The following NGF variants were observed in gnomAD, a reference collection of about 807,000 sequenced individuals.
NGF encodes beta-nerve growth factor.
A neutral mutation model predicts 12.8 loss-of-function variants in NGF; 4 were observed. That is an observed-to-expected ratio of 0.31 (90% CI 0.15 to 0.72). The LOEUF (loss-of-function observed/expected upper bound fraction) is 0.72. Ranked by LOEUF, NGF falls within the 30% of genes least tolerant of loss-of-function variation. The pLI is 0.69. For missense variants in NGF, 283 were observed against 330.8 expected (o/e 0.86, Z 1.12); for synonymous variants, 140 against 130.0 (o/e 1.08, Z -0.52).
intron 1 of NGF, among the ~76,000 whole-genome samples, chr1:115,337,267 G>GTTTGGTTTTTTTT: frequency 1.2e-5 from 1 of 81,030 alleles, no homozygotes; most frequent in Non-Finnish European, 2.3e-5. Context: ...TTTTGTTTTT[G>GTTTGGTTTTTTTT]TTTTTTTTTT....
intron 1 of NGF, among the ~76,000 whole-genome samples, chr1:115,333,714 TTTTCTTTCTTTCC>T (rs1393357662): frequency 2.5e-4 from 13 of 51,100 alleles, no homozygotes; most frequent in African/African-American, 1.3e-3. Context: ...TCTTTCTTTC[TTTTCTTTCTTTCC>T]TTCTTTCTTT....
chr1:115,299,324 C>T (rs1653963675), intron 1 of NGF, among the ~76,000 whole-genome samples: 1 of 152,074 alleles, frequency 6.6e-6, no homozygotes, highest in Admixed American at 6.5e-5. Context: ...CCCACAAAAC[C>T]CTTTCTAGCA....
At chr1:115,287,718 C>T (rs1217279335) in intron 2 of NGF, among the ~76,000 whole-genome samples, 1 of 151,510 alleles carries the variant, frequency 6.6e-6, no homozygotes, top group East Asian at 1.9e-4. Flanking sequence ...TTCTTTTCTC[C>T]CTCCCTTTCT....
chr1:115,289,367 G>A (rs1382645505), intron 2 of NGF, among the ~76,000 whole-genome samples: 2 of 152,014 alleles, frequency 1.3e-5, no homozygotes, highest in African/African-American at 4.8e-5. Context: ...TAAATAAAAG[G>A]GTTTCGATGG....
intron 1 of NGF, among the ~76,000 whole-genome samples, chr1:115,327,183 C>T (rs1055118176): frequency 1.3e-5 from 2 of 152,134 alleles, no homozygotes; most frequent in Non-Finnish European, 2.9e-5. Flanking sequence ...GGTTCATAGT[C>T]GTTTAAGAAG....
intron 1 of NGF, among the ~76,000 whole-genome samples, chr1:115,306,922 A>G (rs1224336633): frequency 6.6e-6 from 1 of 152,220 alleles, no homozygotes; most frequent in East Asian, 1.9e-4. Flanking sequence ...ACTGGGCACT[A>G]TGGGGTATCT....
intron 1 of NGF, among the ~76,000 whole-genome samples, chr1:115,294,896 A>G (rs547738444): frequency 1.3e-5 from 2 of 152,312 alleles, no homozygotes; most frequent in South Asian, 4.1e-4. Flanking sequence ...GGATATTAGG[A>G]AGGCAGTGGA....
intron 2 of NGF, among the ~76,000 whole-genome samples, chr1:115,289,353 T>G (rs1653614144): frequency 6.6e-6 from 1 of 152,124 alleles, no homozygotes; most frequent in Non-Finnish European, 1.5e-5. Context: ...AAAATGAAAT[T>G]AACTAAATAA....
At chr1:115,292,309 T>C (rs1308111818) in intron 2 of NGF, among the ~76,000 whole-genome samples, 1 of 152,076 alleles carries the variant, frequency 6.6e-6, no homozygotes, top group Non-Finnish European at 1.5e-5. Flanking sequence ...GCCTAGAAGG[T>C]ACATCAGAGA....
intron 1 of NGF, among the ~76,000 whole-genome samples, chr1:115,297,684 A>G (rs1557937758): frequency 6.6e-6 from 1 of 152,234 alleles, no homozygotes; most frequent in Non-Finnish European, 1.5e-5. Flanking sequence ...TCTGTCAATC[A>G]CCATCCCCCT....
At position 115,336,605 on chromosome 1, in the gene NGF, G is replaced by C. The variant is rs563008160; in HGVS notation, c.-137+1599C>G. Among the ~76,000 whole-genome samples, 5 of 152,318 alleles carry C rather than the reference G, an allele frequency of 3.3e-5. No individual in the cohort carries two copies. In the East Asian group the frequency reaches 9.6e-4, roughly 29 times the overall value. ...CTTATTCAACAAAAGAGACCCATCAGGTTTGATACAGCCTTTCTTCTTTCT... is the reference window on the plus strand; with the variant it reads ...CTTATTCAACAAAAGAGACCCATCACGTTTGATACAGCCTTTCTTCTTTCT... On this transcript the variant is annotated intron_variant, in intron 1 of 2. Coordinates refer to ENST00000369512, the MANE Select transcript of NGF (RefSeq NM_002506.3).
chr1:115,310,624 C>T (rs1177879524), intron 1 of NGF, among the ~76,000 whole-genome samples: 1 of 152,128 alleles, frequency 6.6e-6, no homozygotes, highest in Non-Finnish European at 1.5e-5. Context: ...TAAATTTGTC[C>T]AATGTGTGTG....
rs1233531273 is a variant in NGF, at chr1:115,333,688, T to C, written c.-137+4516A>G. On this transcript the variant is annotated intron_variant, in intron 1 of 2. Coordinates refer to ENST00000369512, the MANE Select transcript of NGF (RefSeq NM_002506.3). ...TTCTTTCTTTCTTTCTTTCTTTCTT[T>C]CTTTCTTTCTTTCTTTCTTTCTTTC... is the stretch of plus-strand genomic sequence containing the variant. Among the ~76,000 whole-genome samples the C allele has an allele frequency of 2.8e-4, 16 of 57,640 alleles. No individual in the cohort carries two copies. In the African/African-American group the frequency reaches 3.2e-3, roughly 11 times the overall value. The allele number at this position is 57,640 out of a possible 152,430, so 37.8% of individuals were successfully genotyped here.
intron 1 of NGF, among the ~76,000 whole-genome samples, chr1:115,303,476 T>TCATCACCACTACTTTCTCCATCAC (rs1315887768): frequency 3.3e-5 from 5 of 151,362 alleles, no homozygotes; most frequent in Admixed American, 6.6e-5. Flanking sequence ...TCCATCACCA[T>TCATCACCACTACTTTCTCCATCAC]CATCACCACT....
intron 1 of NGF, among the ~76,000 whole-genome samples, chr1:115,329,846 C>G (rs1255463527): frequency 6.7e-6 from 1 of 148,424 alleles, no homozygotes; most frequent in Non-Finnish European, 1.5e-5. Context: ...ACCTTCTGGG[C>G]TCAAGTGATT....
rs58345237 is a variant in NGF at position 115,304,329 on chromosome 1, A to ATTTTTTTT, written c.-136-10587_-136-10580dup. On this transcript the variant is annotated intron_variant, in intron 1 of 2. Transcript: ENST00000369512. ...AGGAGCGCACCACCATGCTTGGCTA[A>ATTTTTTTT]TTTTTTTTTTTTTTTTGTATTTTTA... is the stretch of plus-strand genomic sequence containing the variant. Among the ~76,000 whole-genome samples, 363 of 80,578 alleles carry ATTTTTTTT rather than the reference A, an allele frequency of 4.5e-3. 8 individuals are homozygous for ATTTTTTTT. Among genetic ancestry groups the ATTTTTTTT allele is most frequent in the East Asian group, 7.1e-3 (21 of 2,968 alleles). The allele number at this position is 80,578 out of a possible 152,430, so 52.9% of individuals were successfully genotyped here. A position where few individuals can be genotyped will look rare whatever the true frequency, so the allele number is the denominator to read the frequency against.
At chr1:115,328,049 A>C (rs1654821817) in intron 1 of NGF, among the ~76,000 whole-genome samples, 9 of 152,182 alleles carry the variant, frequency 5.9e-5, no homozygotes, top group Admixed American at 5.9e-4. Context: ...GCTGCCTAAA[A>C]AGCAGCATTA....
At chr1:115,296,510 T>C (rs1024453018) in intron 1 of NGF, among the ~76,000 whole-genome samples, 18 of 152,220 alleles carry the variant, frequency 1.2e-4, no homozygotes, top group Admixed American at 4.6e-4. Context: ...GTGTCTACTA[T>C]AAGCCAACCA....
chr1:115,322,195 T>A (rs533572214), intron 1 of NGF, among the ~76,000 whole-genome samples: 79 of 152,284 alleles, frequency 5.2e-4, no homozygotes, highest in Non-Finnish European at 1.0e-3. Context: ...TGCCCAGCAC[T>A]TTCTGGCAGG....
Sources: gnomAD v4.1 joint callset for allele counts (sites outside exome capture counted in the v4.1 genomes callset) on GRCh38, gnomAD v4.1.1 for gene constraint, MANE v1.5 for transcripts, NCBI Gene and HGNC (gene_info 2026-07-23, HGNC 2026-07-21) for gene names.